The following PTPRM variants were observed in gnomAD, a reference collection of about 807,000 sequenced individuals.
The protein encoded by PTPRM is receptor-type tyrosine-protein phosphatase mu.
A neutral mutation model predicts 186.7 loss-of-function variants in PTPRM; 47 were observed. The observed-to-expected ratio is 0.25, with a 90% CI of 0.20 to 0.32. The LOEUF is 0.32. Ranked by LOEUF, PTPRM falls within the 10% of genes least tolerant of loss-of-function variation. PTPRM has a pLI of 1.00. For missense variants in PTPRM, 1,494 were observed against 1,865.0 expected (o/e 0.80, Z 3.66); for synonymous variants, 668 against 674.9 (o/e 0.99, Z 0.16).
At chr18:7,991,917 A>T (rs2083287331) in intron 7 of PTPRM, among the ~76,000 whole-genome samples, 1 of 152,158 alleles carries the variant, frequency 6.6e-6, no homozygotes, top group Non-Finnish European at 1.5e-5. Flanking sequence ...GGAGATTAAC[A>T]AAGTATCTAG....
At chr18:8,293,635 A>G (rs1439938175) in intron 19 of PTPRM, among the ~76,000 whole-genome samples, 9 of 152,246 alleles carry the variant, frequency 5.9e-5, no homozygotes, top group Non-Finnish European at 1.2e-4. Flanking sequence ...AATTTTTGGA[A>G]GTCAAATAGT....
intron 7 of PTPRM, among the ~76,000 whole-genome samples, chr18:7,997,804 A>C (rs925247698): frequency 6.6e-6 from 1 of 152,224 alleles, no homozygotes; most frequent in East Asian, 1.9e-4. Context: ...TCATTAGAGA[A>C]GTGCAGATCA....
chr18:7,867,742 C>T (rs1460544550), intron 2 of PTPRM, among the ~76,000 whole-genome samples: 1 of 152,150 alleles, frequency 6.6e-6, no homozygotes, highest in African/African-American at 2.4e-5. Flanking sequence ...TCAATGTTGG[C>T]CTGTCTTTCT....
At position 8,346,386 on chromosome 18, in the gene PTPRM, C is replaced by G. The variant is rs544155182; in HGVS notation, c.3054+2866C>G. On this transcript the variant is annotated intron_variant, in intron 23 of 32. Transcript: ENST00000580170. ...CTCCTCCTGGCTTTCATGTGGCCAC[C>G]TTCTTGCGGCAACCTCACGTGTCAG... Among the ~76,000 whole-genome samples, 3 of 152,318 alleles carry G rather than the reference C, an allele frequency of 2.0e-5. No individual in the cohort carries two copies. The East Asian group carries it at 5.8e-4, about 29-fold the overall frequency.
At chr18:7,785,022 A>G (rs1479756785) in intron 2 of PTPRM, among the ~76,000 whole-genome samples, 1 of 152,186 alleles carries the variant, frequency 6.6e-6, no homozygotes, top group East Asian at 1.9e-4. Context: ...GCCAGACAGA[A>G]GGACATCCTG....
At chr18:7,725,758 C>T (rs79434816) in intron 1 of PTPRM, among the ~76,000 whole-genome samples, 1 of 152,032 alleles carries the variant, frequency 6.6e-6, no homozygotes, top group African/African-American at 2.4e-5. Flanking sequence ...TTTCATCTCC[C>T]CTTCGCGCTG....
chr18:7,581,867 C>T (rs2036854938), intron 1 of PTPRM, among the ~76,000 whole-genome samples: 2 of 152,064 alleles, frequency 1.3e-5, no homozygotes, highest in Middle Eastern at 3.4e-3. Flanking sequence ...GTTATGTTGC[C>T]CAGACTAGTC....
intron 1 of PTPRM, among the ~76,000 whole-genome samples, chr18:7,607,239 G>T (rs140795882): frequency 6.6e-5 from 10 of 152,230 alleles, no homozygotes; most frequent in African/African-American, 2.4e-4. Flanking sequence ...CTGAGATCTG[G>T]AGCTGCGAGG....
intron 9 of PTPRM, among the ~76,000 whole-genome samples, chr18:8,078,083 A>G (rs2089927100): frequency 6.6e-6 from 1 of 152,172 alleles, no homozygotes; most frequent in Non-Finnish European, 1.5e-5. Flanking sequence ...TTTTGTAGGG[A>G]CCAAAGGGGA....
chr18:7,815,762 G>A (rs1343261988), intron 2 of PTPRM: 4 of 152,128 alleles, frequency 2.6e-5, no homozygotes, highest in Non-Finnish European at 5.9e-5. Context: ...AAAGGTTATT[G>A]ATAAAGCAGC....
chr18:8,264,713 G>A (rs1231555806), intron 19 of PTPRM, among the ~76,000 whole-genome samples: 1 of 149,302 alleles, frequency 6.7e-6, no homozygotes, highest in Non-Finnish European at 1.5e-5. Flanking sequence ...AGGTTGCAGT[G>A]AGCAGAGATC....
intron 14 of PTPRM, among the ~76,000 whole-genome samples, chr18:8,194,618 A>T (rs1417741081): frequency 6.6e-6 from 1 of 152,230 alleles, no homozygotes; most frequent in African/African-American, 2.4e-5. Flanking sequence ...TTGTGAGTGC[A>T]GTATCAGCAT....
chr18:8,115,837 G>T (rs1377835243), intron 13 of PTPRM, among the ~76,000 whole-genome samples: 1 of 152,082 alleles, frequency 6.6e-6, no homozygotes, highest in African/African-American at 2.4e-5. Flanking sequence ...TTCTTATTTT[G>T]TGAACTTACA....
chr18:7,924,312 A>T (rs775330903), intron 4 of PTPRM, among the ~76,000 whole-genome samples: 15 of 151,992 alleles, frequency 9.9e-5, no homozygotes, highest in Non-Finnish European at 1.8e-4. Flanking sequence ...TCATTGGGGA[A>T]TTTTTTTTAA....
chr18:8,378,728 C>T (rs944946151), intron 27 of PTPRM, among the ~76,000 whole-genome samples: 2 of 152,188 alleles, frequency 1.3e-5, no homozygotes, highest in South Asian at 4.1e-4. Flanking sequence ...CACCATGGCT[C>T]CTTGTCCACA....
intron 14 of PTPRM, among the ~76,000 whole-genome samples, chr18:8,199,179 T>C (rs1180060312): frequency 6.6e-6 from 1 of 152,220 alleles, no homozygotes; most frequent in Non-Finnish European, 1.5e-5. Context: ...TGCTGTTATA[T>C]GCCTTAAGTT....
At chr18:8,160,900 G>T (rs2093218066) in intron 14 of PTPRM, among the ~76,000 whole-genome samples, 1 of 152,144 alleles carries the variant, frequency 6.6e-6, no homozygotes. Context: ...TCAGGAAAAG[G>T]CCGCTTAGTG....
At chr18:8,331,256 CT>C (rs1417697469) in intron 22 of PTPRM, among the ~76,000 whole-genome samples, 3 of 152,190 alleles carry the variant, frequency 2.0e-5, no homozygotes, top group Non-Finnish European at 2.9e-5. Context: ...TCCAGAAATG[CT>C]TTGGAACATT....
intron 7 of PTPRM, among the ~76,000 whole-genome samples, chr18:7,973,974 A>C (rs1665645468): frequency 6.6e-6 from 1 of 151,790 alleles, no homozygotes; most frequent in Non-Finnish European, 1.5e-5. Context: ...GGTAAAAAAA[A>C]AAAAAGACTT....
Sources: allele counts gnomAD v4.1 joint callset (sites outside exome capture counted in the v4.1 genomes callset), GRCh38; gene constraint gnomAD v4.1.1; transcripts MANE v1.5; gene names NCBI Gene and HGNC (gene_info 2026-07-23, HGNC 2026-07-21).